The following RNF34 variants were observed in gnomAD, a reference collection of about 807,000 sequenced individuals.
The protein encoded by RNF34 is ring finger protein 34, also known as E3 ubiquitin-protein ligase RNF34.
RNF34 carries 12 observed loss-of-function variants against 37.9 expected under a neutral mutation model. The observed-to-expected ratio is 0.32, with a 90% CI of 0.20 to 0.51. The LOEUF (loss-of-function observed/expected upper bound fraction) is 0.51. Among genes scored for constraint, RNF34 ranks in the 20% least tolerant of loss-of-function variants. The pLI, the probability that RNF34 is intolerant of heterozygous loss-of-function variation, is 0.97. For synonymous variants in RNF34, 155 were observed against 177.2 expected, an observed-to-expected ratio of 0.87 and a Z score of 1.00; for missense variants, 362 against 472.7, an observed-to-expected ratio of 0.77 and a Z score of 2.17.
intron 1 of RNF34, among the ~76,000 whole-genome samples, chr12:121,406,650 C>T (rs1196387129): frequency 6.6e-6 from 1 of 152,168 alleles, no homozygotes; most frequent in Non-Finnish European, 1.5e-5. Flanking sequence ...GACCATGGTC[C>T]TATGGTGGCT....
Sources: gnomAD v4.1 joint callset for allele counts (sites outside exome capture counted in the v4.1 genomes callset) on GRCh38, gnomAD v4.1.1 for gene constraint, MANE v1.5 for transcripts, NCBI Gene and HGNC (gene_info 2026-07-23, HGNC 2026-07-21) for gene names.